TBX2: variants seen among roughly 807,000 people sequenced by gnomAD.
TBX2 encodes the protein T-box transcription factor 2, also known as T-box transcription factor TBX2.
Under a neutral mutation model 48.4 loss-of-function variants are expected in TBX2, and 19 were observed. The observed-to-expected ratio is 0.39, with a 90% CI of 0.27 to 0.58. The LOEUF (loss-of-function observed/expected upper bound fraction) is 0.58. TBX2 is among the 20% of genes least tolerant of loss of function. TBX2 has a pLI of 0.54. For synonymous variants in TBX2, 522 were observed against 459.7 expected, an observed-to-expected ratio of 1.14 and a Z score of -1.73; for missense variants, 994 against 1,006.5, an observed-to-expected ratio of 0.99 and a Z score of 0.17.
Position 61,400,238 on chromosome 17 carries a change from C to T in TBX2, c.62C>T (p.Pro21Leu). Residue 21 changes from proline to leucine, a missense_variant, in exon 1 of 7, where the codon CCC (proline) becomes CTC (leucine). Coordinates refer to ENST00000240328, the MANE Select transcript of TBX2 (RefSeq NM_005994.4). This position sits in a 1 kb window ranked among gnomAD's most constrained non-coding sequence, Gnocchi z 9.2. ...TACCACCCGTTCCACGCGCCACGGCCCGCCGACTTCCCCATGTCCGCCTTT... is the reference window on the plus strand; with the variant it reads ...TACCACCCGTTCCACGCGCCACGGCTCGCCGACTTCCCCATGTCCGCCTTT... ...MAYHPFHAPR[P>L]ADFPMSAFLA... The T allele has an allele frequency of 8.2e-7, 1 of 1,220,256 alleles. No homozygotes were observed. Among genetic ancestry groups the T allele is most frequent in the Non-Finnish European group, 1.0e-6 (1 of 955,016 alleles). 75.6% of individuals were successfully genotyped at this position (1,220,256 alleles called of 1,614,324 possible).
chr17:61,404,342 A>C, intron 3 of TBX2, 79 bp from the exon 4 acceptor site: 1 of 1,485,032 alleles, frequency 6.7e-7, no homozygotes, highest in Non-Finnish European at 9.1e-7. Context: ...TGCGGCCAGC[A>C]CCCGCTGACC....
chr17:61,408,339 C>T lies in TBX2; in HGVS notation c.1972C>T (p.Pro658Ser). The T allele has an allele frequency of 3.1e-6, 5 of 1,602,706 alleles. No homozygotes were observed. Among genetic ancestry groups the T allele is most frequent in the Non-Finnish European group, 4.3e-6 (5 of 1,175,534 alleles). ...AAGGNSREPS[P>S]LPELALRKVG... The stretch of plus-strand genomic sequence containing the variant: ...TGGTGGAAACAGCCGGGAGCCTAGC[C>T]CCCTGCCCGAGCTGGCTCTCCGCAA... Residue 658 changes from proline (P) to serine (S), a missense_variant, in exon 7 of 7, where the codon CCC (proline) becomes TCC (serine). Coordinates refer to ENST00000240328, the MANE Select transcript of TBX2 (RefSeq NM_005994.4).
chr17:61,406,139 A>G lies in TBX2; in HGVS notation c.1686+303A>G. 1 of 318,112 alleles carries G rather than the reference A, an allele frequency of 3.1e-6. No individual in the cohort carries two copies. The highest frequency in any genetic ancestry group is 5.7e-6 in the Non-Finnish European group (1 of 175,046). The allele number at this position is 318,112 out of a possible 1,614,324, so 19.7% of individuals were successfully genotyped here. On this transcript the variant is annotated intron_variant, in intron 6 of 6. Coordinates refer to ENST00000240328, the MANE Select transcript of TBX2 (RefSeq NM_005994.4). The surrounding 1 kb of genome is among the most constrained non-coding windows in gnomAD (Gnocchi z 5.7). The stretch of plus-strand genomic sequence containing the variant: ...AGCCCCAGCGAGGAGTGCGGTGCCC[A>G]TCGAGACTCTTCTCACCCTCACAGA...
rs771302096 is a variant in TBX2, at chr17:61,405,862, G to A, written c.1686+26G>A. ...GTAAGGCCTGTGACCCCGCGGCAGC[G>A]CCAGCGAGGGAGAAGGCCCAGGGAG... On this transcript the variant is annotated intron_variant, in intron 6 of 6. Coordinates refer to ENST00000240328, the MANE Select transcript of TBX2 (RefSeq NM_005994.4). The A allele has an allele frequency of 8.5e-6, 11 of 1,287,088 alleles. No individual in the cohort carries two copies. In the Admixed American group the frequency reaches 3.9e-4, roughly 45 times the overall value. 79.7% of individuals were successfully genotyped at this position (1,287,088 alleles called of 1,614,324 possible). A position where few individuals can be genotyped will look rare whatever the true frequency, so the allele number is the denominator to read the frequency against.
rs1291107880 is a variant in TBX2 at position 61,401,899 on chromosome 17, T to C, written c.611T>C (p.Val204Ala). ...ATGEQWMAKPVAFHKLKLTNN... is the reference protein window; with the variant it reads ...ATGEQWMAKPAAFHKLKLTNN... ...GGGGAGCAGTGGATGGCTAAGCCTG[T>C]GGCCTTCCACAAGCTGAAGCTGACC... Residue 204 changes from valine to alanine, a missense_variant, in exon 2 of 7, where the codon GTG (valine) becomes GCG (alanine). Val to Ala is a moderately conservative substitution (Grantham distance 64). Coordinates refer to ENST00000240328, the MANE Select transcript of TBX2 (RefSeq NM_005994.4). 5 of 1,612,128 alleles carry C rather than the reference T, an allele frequency of 3.1e-6. No homozygotes were observed. Among genetic ancestry groups the C allele is most frequent in the Non-Finnish European group, 4.2e-6 (5 of 1,179,404 alleles).
At chr17:61,404,808 CG>C in intron 5 of TBX2, 39 bp downstream of exon 5, 1 of 1,535,716 alleles carries the variant, frequency 6.5e-7, no homozygotes, top group Non-Finnish European at 8.7e-7. Context: ...GAGGTGGCGG[CG>C]GGGGGTCCTC....
chr17:61,407,545 C>T (rs2060293941), intron 6 of TBX2: 1 of 153,166 alleles, frequency 6.5e-6, no homozygotes, highest in African/African-American at 2.4e-5. Context: ...CCCGTGTCCT[C>T]CTCCTGGCCC....
At position 61,400,360 on chromosome 17, in the gene TBX2, G is replaced by A. The variant is rs1221726143; in HGVS notation, c.184G>A (p.Ala62Thr). The change falls in exon 1 of 7, where the codon GCC becomes ACC. Residue 62 changes from alanine (A) to threonine (T), a missense_variant. This residue lies in a region of TBX2 where 165 missense variants were observed against 136.8 expected (regional missense o/e 1.21). Transcript: ENST00000240328. The surrounding 1 kb of genome is among the most constrained non-coding windows in gnomAD (Gnocchi z 9.2). ...LPDPGLAGAAAAAAAAAAAAE... is the reference protein window; with the variant it reads ...LPDPGLAGAATAAAAAAAAAE... ...CGACCCGGGCCTGGCGGGGGCGGCG[G>A]CCGCGGCGGCGGCGGCGGCAGCAGC... The A allele has an allele frequency of 1.1e-5, 11 of 1,029,462 alleles. No individual in the cohort carries two copies. Among genetic ancestry groups the A allele is most frequent in the Admixed American group, 1.2e-4 (2 of 17,130 alleles). 63.8% of individuals were successfully genotyped at this position (1,029,462 alleles called of 1,614,324 possible).
At chr17:61,402,412 C>A (rs1445358054) in intron 2 of TBX2, among the ~76,000 whole-genome samples, 1 of 137,804 alleles carries the variant, frequency 7.3e-6, no homozygotes, top group Non-Finnish European at 1.6e-5. Flanking sequence ...AACCACCCTC[C>A]CCACCCACCC....
rs755423150 is a variant in TBX2 at position 61,408,282 on chromosome 17, A to G, written c.1915A>G (p.Thr639Ala). The G allele has an allele frequency of 1.2e-6, 2 of 1,612,264 alleles. No individual in the cohort carries two copies. The highest frequency in any genetic ancestry group is 8.5e-7 in the Non-Finnish European group (1 of 1,179,806). ...TIPPSTSLLTTGLASEGSKAA... is the reference protein window; with the variant it reads ...TIPPSTSLLTAGLASEGSKAA... ...CCCGCCTAGCACTAGCCTCCTCACC[A>G]CCGGGCTGGCCTCTGAGGGCTCCAA... The change falls in exon 7 of 7, where the codon ACC becomes GCC. Residue 639 changes from threonine to alanine, a missense_variant. Physicochemically the swap from Thr to Ala is moderately conservative, Grantham distance 58. This residue lies in a region of TBX2 where 639 missense variants were observed against 613.2 expected (regional missense o/e 1.04). Transcript: ENST00000240328.
chr17:61,405,054 T>G (rs1039104119), intron 5 of TBX2, 148 bp from the exon 6 acceptor site: 2 of 1,480,224 alleles, frequency 1.4e-6, no homozygotes, highest in African/African-American at 2.8e-5. Context: ...TCTGGGGTCT[T>G]GGATTAGGTG....
At position 61,400,650 on chromosome 17, in the gene TBX2, C is replaced by T; in HGVS notation, c.395+79C>T. 2.9e-6 allele frequency: 4 copies of T among 1,386,782 alleles called. No individual in the cohort carries two copies. Among genetic ancestry groups the T allele is most frequent in the Middle Eastern group, 5.2e-4 (2 of 3,882 alleles). 85.9% of individuals were successfully genotyped at this position (1,386,782 alleles called of 1,614,324 possible). ...CGGGACTGCACGGATCAGAGCAGAG[C>T]TGGGGACTCCCGGCTCCCGGCTCCC... On this transcript the variant is annotated intron_variant, in intron 1 of 6. Transcript: ENST00000240328. The surrounding 1 kb of genome is among the most constrained non-coding windows in gnomAD (Gnocchi z 9.2).
Position 61,403,638 on chromosome 17 carries a change from C to A in TBX2, c.810+431C>A, listed in dbSNP as rs2060275523. Among the ~76,000 whole-genome samples the A allele has an allele frequency of 6.6e-6, 1 of 152,028 alleles. No individual in the cohort carries two copies. Among genetic ancestry groups the A allele is most frequent in the South Asian group, 2.1e-4 (1 of 4,808 alleles). ...CCAGTTTTCACTCTCTCGGGGGGAGCCAGAGGGTGGGACAGGTGACACAGC... is the reference window on the plus strand; with the variant it reads ...CCAGTTTTCACTCTCTCGGGGGGAGACAGAGGGTGGGACAGGTGACACAGC... On this transcript the variant is annotated intron_variant, in intron 3 of 6. Transcript: ENST00000240328. The surrounding 1 kb of genome is among the most constrained non-coding windows in gnomAD (Gnocchi z 5.8).
Position 61,408,510 on chromosome 17 carries a change from G to C in TBX2, c.*4G>C. The stretch of plus-strand genomic sequence containing the variant: ...AGGCCGGGAGTCGCCCAAGTGAGGG[G>C]CTGCCCAGCTGCTCCCCTGCCACGC... On this transcript the variant is annotated 3_prime_UTR_variant, in exon 7 of 7. Transcript: ENST00000240328. 1 of 1,437,020 alleles carries C rather than the reference G, an allele frequency of 7.0e-7. No individual in the cohort carries two copies. Among genetic ancestry groups the C allele is most frequent in the Non-Finnish European group, 9.1e-7 (1 of 1,096,214 alleles). 89.0% of individuals were successfully genotyped at this position (1,437,020 alleles called of 1,614,324 possible). A position where few individuals can be genotyped will look rare whatever the true frequency, so the allele number is the denominator to read the frequency against.
rs781765190 is a variant in TBX2 at position 61,408,206 on chromosome 17, C to T, written c.1839C>T (p.Gly613=). ...CCCTCTCCCGGAGCCCCTTCCTGGG[C>T]AGTGCCCGGCCCCGACTGCGTTTCA... The part of the protein sequence containing the change: ...AGSLSRSPFL[G]SARPRLRFSP... Residue 613 remains glycine, a synonymous_variant, in exon 7 of 7, where the codon GGC becomes GGT. Transcript: ENST00000240328. 8 of 1,612,796 alleles carry T rather than the reference C, an allele frequency of 5.0e-6. No individual in the cohort carries two copies. In the South Asian group the frequency reaches 6.6e-5, roughly 13 times the overall value.
chr17:61,408,673 C>A lies in TBX2; in HGVS notation c.*167C>A. On this transcript the variant is annotated 3_prime_UTR_variant, in exon 7 of 7. Transcript: ENST00000240328. ...GGCAAGTCGGGGCCTGGGACACTTC[C>A]CTGGGCCTCAACAAGGATCAGGCTG... is the stretch of plus-strand genomic sequence containing the variant. 1.7e-6 allele frequency: 1 copy of A among 580,412 alleles called. No individual in the cohort carries two copies. The highest frequency in any genetic ancestry group is 2.7e-6 in the Non-Finnish European group (1 of 372,636). 36.0% of individuals were successfully genotyped at this position (580,412 alleles called of 1,614,324 possible).
chr17:61,407,815 A>T, intron 6 of TBX2: 1 of 542,602 alleles, frequency 1.8e-6, no homozygotes. Context: ...AATGCCCAGC[A>T]CAGAACTTGA....
Position 61,400,113 on chromosome 17 carries a change from G to A in TBX2, c.-64G>A, listed in dbSNP as rs1392088620. 1 of 904,916 alleles carries A rather than the reference G, an allele frequency of 1.1e-6. No homozygotes were observed. Among genetic ancestry groups the A allele is most frequent in the Non-Finnish European group, 1.3e-6 (1 of 759,150 alleles). The allele number at this position is 904,916 out of a possible 1,614,324, so 56.1% of individuals were successfully genotyped here. On this transcript the variant is annotated 5_prime_UTR_variant, in exon 1 of 7. Coordinates refer to ENST00000240328, the MANE Select transcript of TBX2 (RefSeq NM_005994.4). This position sits in a 1 kb window ranked among gnomAD's most constrained non-coding sequence, Gnocchi z 9.2. ...ACCGCGCGCGCCGCCGCCCGGGCCGGGGGTCCGAGCCGCGCGCCCCCGGCC... is the reference window on the plus strand; with the variant it reads ...ACCGCGCGCGCCGCCGCCCGGGCCGAGGGTCCGAGCCGCGCGCCCCCGGCC...
In TBX2 at chr17:61,402,306, C is replaced by G. The variant is rs146300791; in HGVS notation, c.663+355C>G. Among the ~76,000 whole-genome samples, 510 of 152,354 alleles carry G rather than the reference C, an allele frequency of 3.3e-3. 1 individual carries two copies. Among genetic ancestry groups the G allele is most frequent in the African/African-American group, 0.011 (454 of 41,578 alleles). On this transcript the variant is annotated intron_variant, in intron 2 of 6. Transcript: ENST00000240328. ...CTGCTCTTGGCCTGTAGGTGCCGAG[C>G]TTGGAAGACCTGCCCATGACCTCAA...
Sources: allele counts gnomAD v4.1 joint callset (sites outside exome capture counted in the v4.1 genomes callset), GRCh38; gene constraint gnomAD v4.1.1; regional missense constraint gnomAD v4.1.1; non-coding constraint Gnocchi (gnomAD v3.1); transcripts MANE v1.5; gene names NCBI Gene and HGNC (gene_info 2026-07-23, HGNC 2026-07-21).